The following SGCZ variants were observed in gnomAD, a reference collection of about 807,000 sequenced individuals.
SGCZ encodes sarcoglycan zeta, also known as zeta-sarcoglycan.
A neutral mutation model predicts 41.3 loss-of-function variants in SGCZ; 40 were observed. The ratio of observed to expected loss-of-function variants is 0.97; its 90% CI spans 0.75 to 1.26. SGCZ has a LOEUF of 1.26. SGCZ is among the 50% of genes most tolerant of loss of function. The pLI, the probability that SGCZ is intolerant of heterozygous loss-of-function variation, is 0.00. For missense variants in SGCZ, 552 were observed against 369.8 expected (o/e 1.49, Z -4.04); for synonymous variants, 206 against 137.5 (o/e 1.50, Z -3.49).
At chr8:14,266,821 G>A (rs1386323404) in intron 3 of SGCZ, among the ~76,000 whole-genome samples, 2 of 152,002 alleles carry the variant, frequency 1.3e-5, no homozygotes, top group Non-Finnish European at 2.9e-5. Context: ...CAGAAACACA[G>A]ATCCGACATA....
chr8:14,668,610 T>C (rs1049431879), intron 1 of SGCZ, among the ~76,000 whole-genome samples: 1 of 152,136 alleles, frequency 6.6e-6, no homozygotes, highest in Non-Finnish European at 1.5e-5. Context: ...GTCTTATAAA[T>C]AATTACCTTT....
chr8:15,221,105 A>G (rs1801585425), intron 1 of SGCZ, among the ~76,000 whole-genome samples: 1 of 152,188 alleles, frequency 6.6e-6, no homozygotes. Context: ...TGGCACATGT[A>G]TACCTATGTA....
chr8:14,719,176 C>A (rs1269425497), intron 1 of SGCZ, among the ~76,000 whole-genome samples: 4 of 150,798 alleles, frequency 2.7e-5, no homozygotes, highest in Admixed American at 2.6e-4. Flanking sequence ...CTACAAAGGA[C>A]ATGAACTCAT....
At chr8:15,004,458 G>C (rs1421045280) in intron 1 of SGCZ, among the ~76,000 whole-genome samples, 1 of 152,072 alleles carries the variant, frequency 6.6e-6, no homozygotes, top group South Asian at 2.1e-4. Flanking sequence ...ATAGAGGTGG[G>C]AAAACTAGAC....
rs1267860505 is a variant in SGCZ at position 14,346,124 on chromosome 8, A to G, written c.235-21920T>C. On this transcript the variant is annotated intron_variant, in intron 2 of 7. Transcript: ENST00000382080. ...GTCAATATCGGCTCTGTTATGTATC[A>G]GTATTGACTCATCAGTTGTAACAAA... 3.3e-5 allele frequency among the ~76,000 whole-genome samples: 5 copies of G among 152,198 alleles called. No homozygotes were observed. In the East Asian group the frequency reaches 9.7e-4, roughly 29 times the overall value.
At chr8:14,820,010 T>A (rs145507938) in intron 1 of SGCZ, among the ~76,000 whole-genome samples, 1 of 152,036 alleles carries the variant, frequency 6.6e-6, no homozygotes, top group Non-Finnish European at 1.5e-5. Flanking sequence ...AATAACTCCT[T>A]ATCTGTCAAA....
At chr8:14,295,020 T>C (rs529473451) in intron 3 of SGCZ, among the ~76,000 whole-genome samples, 3 of 152,176 alleles carry the variant, frequency 2.0e-5, no homozygotes, top group Non-Finnish European at 4.4e-5. Context: ...AAACATTTTT[T>C]CAATTTCTTG....
chr8:14,199,008 GT>G (rs1805369293), intron 4 of SGCZ, among the ~76,000 whole-genome samples: 1 of 152,156 alleles, frequency 6.6e-6, no homozygotes, highest in Non-Finnish European at 1.5e-5. Flanking sequence ...GAGCATGTGT[GT>G]TTGAACAATA....
chr8:14,433,128 A>C (rs902694372), intron 2 of SGCZ, among the ~76,000 whole-genome samples: 19 of 152,160 alleles, frequency 1.2e-4, no homozygotes, highest in African/African-American at 4.1e-4. Context: ...GGAAAATAAA[A>C]TTGCAGTTAT....
chr8:15,162,562 T>C (rs1007941495), intron 1 of SGCZ, among the ~76,000 whole-genome samples: 2 of 152,210 alleles, frequency 1.3e-5, no homozygotes, highest in African/African-American at 4.8e-5. Flanking sequence ...GAACTGCCCC[T>C]TCTCCAGCTT....
intron 1 of SGCZ, among the ~76,000 whole-genome samples, chr8:15,233,295 C>G (rs1585701322): frequency 1.4e-5 from 2 of 148,072 alleles, no homozygotes; most frequent in Non-Finnish European, 3.0e-5. Flanking sequence ...AAGCTTGACT[C>G]TCCTGGGCTG....
At chr8:15,182,807 T>C (rs1479050823) in intron 1 of SGCZ, among the ~76,000 whole-genome samples, 2 of 152,278 alleles carry the variant, frequency 1.3e-5, no homozygotes, top group African/African-American at 4.8e-5. Flanking sequence ...TTTTACTTTA[T>C]CAAGGTTATA....
intron 2 of SGCZ, among the ~76,000 whole-genome samples, chr8:14,441,841 C>G (rs1250211848): frequency 6.6e-6 from 1 of 152,156 alleles, no homozygotes; most frequent in Non-Finnish European, 1.5e-5. Context: ...CCACCTCTGA[C>G]TCTGGTATTC....
At chr8:15,088,284 A>G (rs531514744) in intron 1 of SGCZ, among the ~76,000 whole-genome samples, 1 of 152,182 alleles carries the variant, frequency 6.6e-6, no homozygotes, top group South Asian at 2.1e-4. Flanking sequence ...CATCTATGAC[A>G]TAAGAATATG....
chr8:14,902,926 GA>G (rs1471834538), intron 1 of SGCZ, among the ~76,000 whole-genome samples: 2 of 152,006 alleles, frequency 1.3e-5, no homozygotes, highest in African/African-American at 4.8e-5. Flanking sequence ...AGGAATGTTA[GA>G]AAAACGATTT....
At chr8:14,744,801 T>C (rs1277151418) in intron 1 of SGCZ, among the ~76,000 whole-genome samples, 8 of 152,178 alleles carry the variant, frequency 5.3e-5, no homozygotes, top group Admixed American at 5.2e-4. Flanking sequence ...ATGGCAATTA[T>C]GTACCAGCAG....
At chr8:15,225,567 G>T (rs772539367) in intron 1 of SGCZ, among the ~76,000 whole-genome samples, 1 of 152,140 alleles carries the variant, frequency 6.6e-6, no homozygotes, top group African/African-American at 2.4e-5. Flanking sequence ...TTTCCAGAGA[G>T]CCTGGAAATT....
chr8:15,099,750 A>G (rs1240034838), intron 1 of SGCZ, among the ~76,000 whole-genome samples: 1 of 152,210 alleles, frequency 6.6e-6, no homozygotes, highest in Non-Finnish European at 1.5e-5. Flanking sequence ...AATGTTGTAC[A>G]CCACAACCAA....
chr8:14,730,636 C>T (rs1810207353), intron 1 of SGCZ, among the ~76,000 whole-genome samples: 2 of 149,694 alleles, frequency 1.3e-5, no homozygotes, highest in Admixed American at 6.6e-5. Flanking sequence ...CATGGATGTT[C>T]GGAACTGAAA....
Sources: gnomAD v4.1 joint callset for allele counts (sites outside exome capture counted in the v4.1 genomes callset) on GRCh38, gnomAD v4.1.1 for gene constraint, MANE v1.5 for transcripts, NCBI Gene and HGNC (gene_info 2026-07-23, HGNC 2026-07-21) for gene names.